Variants in MCHR2 observed in about 807,000 individuals in gnomAD.
MCHR2 encodes melanin-concentrating hormone receptor 2.
A neutral mutation model predicts 24.8 loss-of-function variants in MCHR2; 15 were observed. That is an observed-to-expected ratio of 0.60 (90% CI 0.40 to 0.93). The LOEUF (loss-of-function observed/expected upper bound fraction) is 0.93, where lower values mean the gene tolerates loss of function less well. Ranked by LOEUF, MCHR2 falls within the 40% of genes least tolerant of loss-of-function variation. The pLI is 0.00. For synonymous variants in MCHR2, 151 were observed against 147.6 expected, an observed-to-expected ratio of 1.02 and a Z score of -0.17; for missense variants, 386 against 408.7, an observed-to-expected ratio of 0.94 and a Z score of 0.48.
chr6:99,968,350 G>T (rs1178803285), intron 1 of MCHR2, among the ~76,000 whole-genome samples: 1 of 152,136 alleles, frequency 6.6e-6, no homozygotes, highest in Non-Finnish European at 1.5e-5. Flanking sequence ...TCACTCCCAT[G>T]ATCCCATCTT....
chr6:99,927,498 C>G (rs1008189751), intron 5 of MCHR2, among the ~76,000 whole-genome samples: 1 of 152,082 alleles, frequency 6.6e-6, no homozygotes, highest in African/African-American at 2.4e-5. Flanking sequence ...TCTTTGTATC[C>G]TCTTTTATTT....
At chr6:99,943,741 C>T in intron 3 of MCHR2, among the ~76,000 whole-genome samples, 1 of 152,190 alleles carries the variant, frequency 6.6e-6, no homozygotes. Context: ...AAACCACTCA[C>T]TGAAATAGTT....
rs1323631982 is a variant in MCHR2, at chr6:99,920,307, G to C, written c.*633C>G. ...GAGCTGAATGTTAGCTCAGCTCTTA[G>C]ATAGCTGTTGCAGCATTAGGCCTAT... On this transcript the variant is annotated 3_prime_UTR_variant, in exon 6 of 6. Coordinates refer to ENST00000281806, the MANE Select transcript of MCHR2 (RefSeq NM_001040179.2). 1 of 152,252 alleles carries C rather than the reference G, an allele frequency of 6.6e-6. No individual in the cohort carries two copies. The highest frequency in any genetic ancestry group is 2.4e-5 in the African/African-American group (1 of 41,452). 9.4% of individuals were successfully genotyped at this position (152,252 alleles called of 1,614,324 possible).
At chr6:99,942,128 T>A (rs2114520262) in intron 4 of MCHR2, among the ~76,000 whole-genome samples, 1 of 152,324 alleles carries the variant, frequency 6.6e-6, no homozygotes, top group South Asian at 2.1e-4. Flanking sequence ...AAAACGGCTA[T>A]GGTAGTTGCA....
chr6:99,934,269 T>C (rs904362584), intron 5 of MCHR2, 129 bp downstream of exon 5: 232 of 933,144 alleles, frequency 2.5e-4, no homozygotes, highest in Non-Finnish European at 1.9e-4. Context: ...ATTTTTTCTA[T>C]AGACATATAT....
intron 1 of MCHR2, among the ~76,000 whole-genome samples, chr6:99,991,099 C>T (rs537996516): frequency 1.3e-4 from 19 of 151,762 alleles, no homozygotes; most frequent in Admixed American, 3.3e-4. Context: ...ATTGTAGCAT[C>T]GAACAGTTTG....
intron 1 of MCHR2, among the ~76,000 whole-genome samples, chr6:99,970,181 G>A (rs932929137): frequency 2.0e-4 from 30 of 151,324 alleles, no homozygotes; most frequent in Middle Eastern, 3.4e-3. Context: ...CACCAACAGT[G>A]TAAAAGTGTT....
intron 5 of MCHR2, among the ~76,000 whole-genome samples, chr6:99,934,031 A>G (rs1268113438): frequency 1.3e-5 from 2 of 152,096 alleles, no homozygotes; most frequent in Non-Finnish European, 2.9e-5. Context: ...TTGAAACACA[A>G]AAATTAAAAG....
chr6:99,938,153 T>C (rs1015341563), intron 4 of MCHR2, among the ~76,000 whole-genome samples: 3 of 151,980 alleles, frequency 2.0e-5, no homozygotes. Context: ...AAGCCAACTT[T>C]TCATTTTGTT....
chr6:99,926,777 T>G (rs1291367653), intron 5 of MCHR2, among the ~76,000 whole-genome samples: 2 of 152,168 alleles, frequency 1.3e-5, no homozygotes, highest in African/African-American at 2.4e-5. Context: ...TTTCTCCCAT[T>G]TTGTAGGTTG....
chr6:99,973,933 T>A (rs1775493090), intron 1 of MCHR2, among the ~76,000 whole-genome samples: 1 of 152,248 alleles, frequency 6.6e-6, no homozygotes, highest in African/African-American at 2.4e-5. Flanking sequence ...AGATCCACTG[T>A]TAATCTGATG....
intron 1 of MCHR2, among the ~76,000 whole-genome samples, chr6:99,982,915 G>T (rs1263932345): frequency 2.6e-5 from 4 of 152,086 alleles, no homozygotes; most frequent in Non-Finnish European, 5.9e-5. Context: ...TAAGGTATAT[G>T]TGGCTGGTGC....
chr6:99,956,475 C>G (rs1020111035), intron 1 of MCHR2, among the ~76,000 whole-genome samples: 2 of 152,048 alleles, frequency 1.3e-5, no homozygotes, highest in African/African-American at 2.4e-5. Context: ...ATATACTGGT[C>G]CTGGTTGTTT....
At chr6:99,947,492 G>A (rs1252462997) in intron 3 of MCHR2, among the ~76,000 whole-genome samples, 1 of 152,016 alleles carries the variant, frequency 6.6e-6, no homozygotes, top group Non-Finnish European at 1.5e-5. Context: ...TCCTGGTTTT[G>A]TGATTTTTTT....
chr6:99,937,287 A>G (rs1402376990), intron 4 of MCHR2, among the ~76,000 whole-genome samples: 1 of 151,880 alleles, frequency 6.6e-6, no homozygotes, highest in Non-Finnish European at 1.5e-5. Flanking sequence ...CTTGTTGCAG[A>G]TCTTAGAGAA....
At chr6:99,969,579 T>G (rs2114564957) in intron 1 of MCHR2, among the ~76,000 whole-genome samples, 2 of 151,932 alleles carry the variant, frequency 1.3e-5, no homozygotes, top group African/African-American at 4.8e-5. Flanking sequence ...TATTTTAATA[T>G]TATTATACTT....
chr6:99,977,188 A>G (rs1400643121), intron 1 of MCHR2, among the ~76,000 whole-genome samples: 1 of 152,220 alleles, frequency 6.6e-6, no homozygotes, highest in Non-Finnish European at 1.5e-5. Flanking sequence ...TTCAAGCAAT[A>G]TCTAACATTT....
intron 5 of MCHR2, among the ~76,000 whole-genome samples, chr6:99,926,150 T>C (rs1215853094): frequency 5.9e-5 from 9 of 152,138 alleles, no homozygotes; most frequent in South Asian, 4.2e-4. Context: ...CATGTCCCTA[T>C]AAAGGACATG....
At chr6:99,948,002 C>T (rs199922098) in intron 2 of MCHR2, 31 bp from the exon 3 acceptor site, 2 of 1,578,786 alleles carry the variant, frequency 1.3e-6, no homozygotes, top group Non-Finnish European at 1.7e-6. Flanking sequence ...TGAGGATTGA[C>T]ATTGAATGTA....
Sources: gnomAD v4.1 joint callset for allele counts (sites outside exome capture counted in the v4.1 genomes callset) on GRCh38, gnomAD v4.1.1 for gene constraint, MANE v1.5 for transcripts, NCBI Gene and HGNC (gene_info 2026-07-23, HGNC 2026-07-21) for gene names.